The following GABRA1 variants were observed in gnomAD, a reference collection of about 807,000 sequenced individuals.
GABRA1 encodes the protein gamma-aminobutyric acid type A receptor subunit alpha1.
In GABRA1, 9 loss-of-function variants were observed where a neutral mutation model predicts 48.9. The ratio of observed to expected loss-of-function variants is 0.18; its 90% CI spans 0.11 to 0.32. The LOEUF (loss-of-function observed/expected upper bound fraction) is 0.32. Ranked by LOEUF, GABRA1 falls within the 10% of genes least tolerant of loss-of-function variation. GABRA1 has a pLI of 1.00. For missense variants in GABRA1, 285 were observed against 553.8 expected (o/e 0.51, Z 4.87); for synonymous variants, 210 against 198.7 (o/e 1.06, Z -0.48).
At chr5:161,880,713 A>T (rs989294810) in intron 6 of GABRA1, among the ~76,000 whole-genome samples, 2 of 152,150 alleles carry the variant, frequency 1.3e-5, no homozygotes, top group Non-Finnish European at 2.9e-5. Context: ...CACTGGCTAC[A>T]TTTTTCTGCA....
intron 5 of GABRA1, among the ~76,000 whole-genome samples, chr5:161,875,013 T>A (rs1754284534): frequency 6.6e-6 from 1 of 152,150 alleles, no homozygotes; most frequent in Non-Finnish European, 1.5e-5. Flanking sequence ...GGTTTGCAAG[T>A]AGTGAGATCA....
rs879144163 is a variant in GABRA1, at chr5:161,898,422, T to C, written c.*1000T>C. ...AAAAATAGAATATATAAACGATATA[T>C]GTAAATATACAGCATGAGATTGTAC... is the stretch of plus-strand genomic sequence containing the variant. On this transcript the variant is annotated 3_prime_UTR_variant, in exon 10 of 10. Transcript: ENST00000393943. 2 of 152,600 alleles carry C rather than the reference T, an allele frequency of 1.3e-5. No homozygotes were observed. The highest frequency in any genetic ancestry group is 2.1e-4 in the South Asian group (1 of 4,836). 9.5% of individuals were successfully genotyped at this position (152,600 alleles called of 1,614,324 possible). A position where few individuals can be genotyped will look rare whatever the true frequency, so the allele number is the denominator to read the frequency against.
intron 3 of GABRA1, among the ~76,000 whole-genome samples, chr5:161,858,477 C>T (rs1023691098): frequency 5.3e-5 from 8 of 151,630 alleles, no homozygotes; most frequent in Admixed American, 2.0e-4. Context: ...CCTTTTGCCC[C>T]ACCATATATA....
intron 6 of GABRA1, among the ~76,000 whole-genome samples, chr5:161,878,169 C>T (rs572041866): frequency 6.6e-6 from 1 of 152,284 alleles, no homozygotes; most frequent in African/African-American, 2.4e-5. Context: ...AAGACTCAGG[C>T]TTTAAATGCC....
chr5:161,883,700 A>T (rs1754714766), intron 7 of GABRA1, among the ~76,000 whole-genome samples: 1 of 151,826 alleles, frequency 6.6e-6, no homozygotes, highest in South Asian at 2.1e-4. Flanking sequence ...GAGTGGTGAT[A>T]AAAAAAACTT....
intron 3 of GABRA1, among the ~76,000 whole-genome samples, chr5:161,855,105 T>G (rs1398938846): frequency 6.6e-6 from 1 of 151,582 alleles, no homozygotes; most frequent in Non-Finnish European, 1.5e-5. Context: ...CAACTATAGC[T>G]GATACTGAAC....
In GABRA1 at chr5:161,899,845, T is replaced by C. The variant is rs1351308550; in HGVS notation, c.*2423T>C. 6.6e-6 allele frequency: 1 copy of C among 152,156 alleles called. No homozygotes were observed. The highest frequency in any genetic ancestry group is 1.5e-5 in the Non-Finnish European group (1 of 68,000). The allele number at this position is 152,156 out of a possible 1,614,324, so 9.4% of individuals were successfully genotyped here. On this transcript the variant is annotated 3_prime_UTR_variant, in exon 10 of 10. Transcript: ENST00000393943. ...CAATAAAACCTAACATGAATCAAGG[T>C]TGTTTATGGCAGATGCATGTGTTGC... is the stretch of plus-strand genomic sequence containing the variant.
intron 1 of GABRA1, chr5:161,850,588 G>A (rs937655972): frequency 6.6e-6 from 4 of 603,858 alleles, no homozygotes; most frequent in African/African-American, 3.7e-5. Context: ...GGAGAATAAG[G>A]ACACTGATAT....
At chr5:161,883,890 T>TA (rs202084941) in intron 7 of GABRA1, among the ~76,000 whole-genome samples, 3 of 151,686 alleles carry the variant, frequency 2.0e-5, no homozygotes, top group South Asian at 2.1e-4. Flanking sequence ...ATTTTTTTTT[T>TA]AAAAAATGGA....
In GABRA1 at chr5:161,868,791, T is replaced by C. The variant is rs935413796; in HGVS notation, c.255+3003T>C. Reference sequence around the variant, plus strand: ...CCTTTGAGTTATTGCTTCAGATTAATTGTGATTCCATAAACCAATGTTGGA... The same window carrying C: ...CCTTTGAGTTATTGCTTCAGATTAACTGTGATTCCATAAACCAATGTTGGA... On this transcript the variant is annotated intron_variant, in intron 4 of 9. Transcript: ENST00000393943. 3.3e-5 allele frequency among the ~76,000 whole-genome samples: 5 copies of C among 152,302 alleles called. No individual in the cohort carries two copies. The East Asian group carries it at 9.6e-4, about 29-fold the overall frequency.
intron 3 of GABRA1, among the ~76,000 whole-genome samples, chr5:161,858,643 C>G (rs1332775532): frequency 1.3e-5 from 2 of 151,660 alleles, no homozygotes; most frequent in African/African-American, 4.8e-5. Context: ...ATGTATTATT[C>G]TATAAACACA....
chr5:161,880,234 G>A (rs969255018), intron 6 of GABRA1, among the ~76,000 whole-genome samples: 2 of 152,006 alleles, frequency 1.3e-5, no homozygotes, highest in Non-Finnish European at 2.9e-5. Context: ...TGACTTTTGA[G>A]GCATTTGCAA....
At chr5:161,892,382 A>G (rs184907554) in intron 8 of GABRA1, among the ~76,000 whole-genome samples, 1 of 152,348 alleles carries the variant, frequency 6.6e-6, no homozygotes, top group Admixed American at 6.5e-5. Context: ...TATCTCAGAA[A>G]AAAAGCAAGA....
chr5:161,849,625 T>C (rs1757358881), intron 1 of GABRA1, among the ~76,000 whole-genome samples: 1 of 152,186 alleles, frequency 6.6e-6, no homozygotes. Context: ...TTTAAAGGCA[T>C]ACCACATTAA....
In GABRA1 at chr5:161,873,267, G is replaced by A. The variant is rs1754201918; in HGVS notation, c.406G>A (p.Ala136Thr). ...TFFHNGKKSV[A>T]HNMTMPNKLL... ...TTTCCACAATGGAAAGAAGTCAGTGGCCCACAACATGACCATGCCCAACAA... is the reference window on the plus strand; with the variant it reads ...TTTCCACAATGGAAAGAAGTCAGTGACCCACAACATGACCATGCCCAACAA... Residue 136 changes from alanine to threonine, a missense_variant, in exon 5 of 10, where the codon GCC becomes ACC. By Grantham distance (58) the Ala-to-Thr change is moderately conservative. This residue lies in a region of GABRA1 where 105 missense variants were observed against 267.4 expected (regional missense o/e 0.39). Transcript: ENST00000393943. 1 of 1,613,728 alleles carries A rather than the reference G, an allele frequency of 6.2e-7. No individual in the cohort carries two copies. Among genetic ancestry groups the A allele is most frequent in the South Asian group, 1.1e-5 (1 of 91,080 alleles).
intron 6 of GABRA1, among the ~76,000 whole-genome samples, chr5:161,880,296 G>A (rs1211573504): frequency 6.6e-6 from 1 of 151,972 alleles, no homozygotes; most frequent in Non-Finnish European, 1.5e-5. Flanking sequence ...GTCTTCTTAG[G>A]TAAGATGCTT....
intron 5 of GABRA1, among the ~76,000 whole-genome samples, chr5:161,874,383 A>C (rs1754255456): frequency 6.6e-6 from 1 of 152,150 alleles, no homozygotes; most frequent in African/African-American, 2.4e-5. Context: ...CAATGGACAC[A>C]TGTGTTGAGA....
At chr5:161,890,284 G>C (rs1222664646) in intron 7 of GABRA1, among the ~76,000 whole-genome samples, 1 of 151,966 alleles carries the variant, frequency 6.6e-6, no homozygotes, top group East Asian at 1.9e-4. Flanking sequence ...AATCTAGTTG[G>C]GATTTGAAGA....
Position 161,897,169 on chromosome 5 carries a change from C to G in GABRA1, c.1118C>G (p.Thr373Ser). 6.2e-7 allele frequency: 1 copy of G among 1,614,050 alleles called. No individual in the cohort carries two copies. The highest frequency in any genetic ancestry group is 8.5e-7 in the Non-Finnish European group (1 of 1,179,988). ...KKNNTYAPTA[T>S]SYTPNLARGD... ...AACAACACTTACGCTCCAACAGCAACCAGCTACACCCCTAATTTGGCCAGG... is the reference window on the plus strand; with the variant it reads ...AACAACACTTACGCTCCAACAGCAAGCAGCTACACCCCTAATTTGGCCAGG... The change falls in exon 10 of 10, where the codon ACC becomes AGC. Residue 373 changes from threonine (T) to serine (S), a missense_variant. Transcript: ENST00000393943.
Sources: gnomAD v4.1 joint callset for allele counts (sites outside exome capture counted in the v4.1 genomes callset) on GRCh38, gnomAD v4.1.1 for gene constraint, gnomAD v4.1.1 regional missense constraint, MANE v1.5 for transcripts, NCBI Gene and HGNC (gene_info 2026-07-23, HGNC 2026-07-21) for gene names.